Variants in FTO observed in about 807,000 individuals in gnomAD.
FTO encodes the protein alpha-ketoglutarate-dependent dioxygenase FTO.
Under a neutral mutation model 63.9 loss-of-function variants are expected in FTO, and 47 were observed. The ratio of observed to expected loss-of-function variants is 0.74; its 90% CI spans 0.58 to 0.94. The LOEUF is 0.94. Ranked by LOEUF, FTO falls within the 40% of genes least tolerant of loss-of-function variation. The pLI is 0.00. For synonymous variants in FTO, 207 were observed against 224.4 expected (o/e 0.92, Z 0.69); for missense variants, 562 against 618.1 (o/e 0.91, Z 0.96).
intron 8 of FTO, among the ~76,000 whole-genome samples, chr16:54,099,881 C>T (rs1169791524): frequency 6.6e-6 from 1 of 152,144 alleles, no homozygotes; most frequent in African/African-American, 2.4e-5. Flanking sequence ...TCTACAGCGG[C>T]CTGAGTCTGG....
intron 4 of FTO, among the ~76,000 whole-genome samples, chr16:53,862,969 G>C (rs1353164340): frequency 6.6e-6 from 1 of 152,142 alleles, no homozygotes. Flanking sequence ...AGAATCTCTT[G>C]AGTTCACTCA....
intron 8 of FTO, among the ~76,000 whole-genome samples, chr16:54,082,417 C>T (rs2086171657): frequency 6.6e-6 from 1 of 152,170 alleles, no homozygotes; most frequent in Non-Finnish European, 1.5e-5. Flanking sequence ...TCAAGTGCAG[C>T]CTGGGGCTTG....
intron 1 of FTO, among the ~76,000 whole-genome samples, chr16:53,790,138 T>G (rs569117226): frequency 5.3e-5 from 8 of 149,932 alleles, no homozygotes; most frequent in African/African-American, 1.9e-4. Context: ...ATTTATAATT[T>G]TAGTCCTTAG....
chr16:53,969,526 C>G (rs900077407), intron 8 of FTO, among the ~76,000 whole-genome samples: 11 of 152,132 alleles, frequency 7.2e-5, no homozygotes, highest in Non-Finnish European at 4.4e-5. Flanking sequence ...AGTAAATGAA[C>G]ATAATATATA....
intron 8 of FTO, among the ~76,000 whole-genome samples, chr16:54,078,715 C>T (rs2086062963): frequency 6.6e-6 from 1 of 152,126 alleles, no homozygotes; most frequent in Non-Finnish European, 1.5e-5. Context: ...TGGGGTATTT[C>T]AGCTCTTTCC....
At chr16:53,872,942 A>G (rs542001669) in intron 4 of FTO, among the ~76,000 whole-genome samples, 1 of 152,280 alleles carries the variant, frequency 6.6e-6, no homozygotes, top group East Asian at 1.9e-4. Context: ...AGGATATATA[A>G]CAACTTGGTC....
chr16:53,984,463 C>T (rs143621876), intron 8 of FTO, among the ~76,000 whole-genome samples: 252 of 150,620 alleles, frequency 1.7e-3, no homozygotes, highest in African/African-American at 5.8e-3. Context: ...GCAGGGTCTA[C>T]AGCGCCCACC....
chr16:53,983,036 C>T (rs1415942559), intron 8 of FTO, among the ~76,000 whole-genome samples: 2 of 152,036 alleles, frequency 1.3e-5, no homozygotes, highest in Non-Finnish European at 2.9e-5. Flanking sequence ...CTACCTACCC[C>T]GAGCCTCACA....
intron 1 of FTO, among the ~76,000 whole-genome samples, chr16:53,769,936 G>C (rs1387693139): frequency 6.6e-6 from 1 of 152,036 alleles, no homozygotes; most frequent in Non-Finnish European, 1.5e-5. Context: ...AAGAGCTGCA[G>C]AAATGTGTTT....
intron 4 of FTO, among the ~76,000 whole-genome samples, chr16:53,870,679 C>T (rs765839091): frequency 3.2e-4 from 49 of 152,122 alleles, no homozygotes; most frequent in South Asian, 6.2e-4. Context: ...ATGTGTTTTA[C>T]GTCTGCATAT....
intron 8 of FTO, among the ~76,000 whole-genome samples, chr16:54,005,032 G>A (rs563703374): frequency 5.4e-5 from 8 of 148,214 alleles, no homozygotes; most frequent in East Asian, 2.0e-4. Flanking sequence ...ATCGCGCCAC[G>A]GCACTCCAGC....
intron 6 of FTO, among the ~76,000 whole-genome samples, chr16:53,888,611 C>T (rs1384830006): frequency 1.3e-5 from 2 of 152,122 alleles, no homozygotes; most frequent in Non-Finnish European, 2.9e-5. Flanking sequence ...TGAACCAACA[C>T]GTCTGGCCAG....
At chr16:53,734,143 C>T (rs1352269448) in intron 1 of FTO, among the ~76,000 whole-genome samples, 1 of 152,188 alleles carries the variant, frequency 6.6e-6, no homozygotes, top group African/African-American at 2.4e-5. Context: ...AATTCTCTGC[C>T]AGACCTTTTC....
intron 3 of FTO, among the ~76,000 whole-genome samples, chr16:53,836,992 G>A (rs1169482097): frequency 1.3e-5 from 2 of 152,148 alleles, no homozygotes; most frequent in Non-Finnish European, 2.9e-5. Context: ...ACAACGTAAG[G>A]GTTTCCTGTG....
chr16:53,718,924 G>A (rs553981464), intron 1 of FTO, among the ~76,000 whole-genome samples: 20 of 152,240 alleles, frequency 1.3e-4, no homozygotes, highest in African/African-American at 4.3e-4. Flanking sequence ...GGTACTCCAG[G>A]GGTTGAGGGT....
intron 8 of FTO, among the ~76,000 whole-genome samples, chr16:54,002,536 T>C (rs2084092246): frequency 6.6e-6 from 1 of 152,230 alleles, no homozygotes; most frequent in African/African-American, 2.4e-5. Flanking sequence ...TGGAGAAACC[T>C]GTGAGGAAAG....
chr16:53,729,194 GC>G (rs1468647508), intron 1 of FTO, among the ~76,000 whole-genome samples: 1 of 151,978 alleles, frequency 6.6e-6, no homozygotes, highest in Non-Finnish European at 1.5e-5. Context: ...TAGGCTCTTG[GC>G]CTGTTTCCAT....
At chr16:53,844,739 G>T (rs2079571972) in intron 4 of FTO, among the ~76,000 whole-genome samples, 1 of 149,178 alleles carries the variant, frequency 6.7e-6, no homozygotes, top group South Asian at 2.2e-4. Flanking sequence ...AGATTTACAG[G>T]ACCATGCCCG....
At chr16:53,774,976 A>G (rs1220910034) in intron 1 of FTO, among the ~76,000 whole-genome samples, 1 of 152,146 alleles carries the variant, frequency 6.6e-6, no homozygotes, top group Non-Finnish European at 1.5e-5. Flanking sequence ...CAGCAAGGTG[A>G]TGGCCTCCAT....
Sources: gnomAD v4.1 joint callset for allele counts (sites outside exome capture counted in the v4.1 genomes callset) on GRCh38, gnomAD v4.1.1 for gene constraint, MANE v1.5 for transcripts, NCBI Gene and HGNC (gene_info 2026-07-23, HGNC 2026-07-21) for gene names.